IGBP1: variants seen among roughly 807,000 people sequenced by gnomAD.
The protein encoded by IGBP1 is immunoglobulin-binding protein 1.
IGBP1 carries 2 observed loss-of-function variants against 25.9 expected under a neutral mutation model. The observed-to-expected ratio is 0.08, with a 90% confidence interval of 0.03 to 0.24. The LOEUF is 0.24. Ranked by LOEUF, IGBP1 falls within the 10% of genes least tolerant of loss-of-function variation. The pLI is 1.00. For synonymous variants in IGBP1, 96 were observed against 93.4 expected (o/e 1.03, Z -0.16); for missense variants, 187 against 260.4 (o/e 0.72, Z 1.94).
At chrX:70,148,711 A>C in intron 4 of IGBP1, 50 bp from the exon 5 acceptor site, 1 of 842,918 alleles carries the variant, frequency 1.2e-6, no homozygotes, top group Non-Finnish European at 1.8e-6. Flanking sequence ...CCCGTATGGT[A>C]TGTTGGGTAA....
At chrX:70,156,706 G>A (rs933646058) in intron 6 of IGBP1, among the ~76,000 whole-genome samples, 2 of 111,999 alleles carry the variant, frequency 1.8e-5, no homozygotes, top group African/African-American at 6.5e-5. Flanking sequence ...TTGGGAGGCC[G>A]AGGCGGGTGG....
intron 6 of IGBP1, among the ~76,000 whole-genome samples, chrX:70,158,322 G>T (rs2085252489): frequency 9.0e-6 from 1 of 111,482 alleles, no homozygotes; most frequent in Admixed American, 9.6e-5. Flanking sequence ...AATTAAGCAG[G>T]ACAGGAATAG....
intron 6 of IGBP1, among the ~76,000 whole-genome samples, chrX:70,163,408 T>C (rs953315966): frequency 2.7e-5 from 3 of 110,818 alleles, no homozygotes; most frequent in Admixed American, 1.9e-4. Context: ...CAGAGGCTAA[T>C]AAGGGAACCC....
At chrX:70,141,409 A>T (rs748180745) in intron 3 of IGBP1, among the ~76,000 whole-genome samples, 31 of 110,967 alleles carry the variant, frequency 2.8e-4, no homozygotes, top group African/African-American at 9.5e-4. Context: ...AGAGAAAACA[A>T]ATGTTATGTC....
chrX:70,150,354 C>T (rs1423777006), intron 6 of IGBP1, 32 bp downstream of exon 6: 1 of 913,869 alleles, frequency 1.1e-6, no homozygotes, highest in Non-Finnish European at 1.6e-6. Context: ...ATAGTTGTAC[C>T]ACTGGTCTTT....
At chrX:70,165,740 T>C in intron 6 of IGBP1, 93 bp from the exon 7 acceptor site, 1 of 814,457 alleles carries the variant, frequency 1.2e-6, no homozygotes, top group Non-Finnish European at 1.8e-6. Flanking sequence ...TCTCATTGCA[T>C]GTGGTTGTGC....
intron 3 of IGBP1, among the ~76,000 whole-genome samples, chrX:70,135,703 A>C (rs1366445193): frequency 9.0e-6 from 1 of 111,545 alleles, no homozygotes; most frequent in East Asian, 2.8e-4. Flanking sequence ...AGATGTGTAG[A>C]CCAAAAACAG....
intron 3 of IGBP1, among the ~76,000 whole-genome samples, chrX:70,138,884 C>T (rs906525392): frequency 8.9e-6 from 1 of 111,980 alleles, no homozygotes; most frequent in African/African-American, 3.3e-5. Context: ...GTCACTGTTT[C>T]CTTAGGGTAG....
intron 6 of IGBP1, among the ~76,000 whole-genome samples, chrX:70,161,948 G>C (rs1335560062): frequency 9.0e-6 from 1 of 111,712 alleles, no homozygotes; most frequent in Admixed American, 9.5e-5. Flanking sequence ...ATACACACAA[G>C]TCCATTGTGA....
intron 6 of IGBP1, among the ~76,000 whole-genome samples, chrX:70,162,596 G>A (rs2085276440): frequency 1.8e-5 from 2 of 112,609 alleles, no homozygotes; most frequent in Admixed American, 9.4e-5. Context: ...GTGTGGTTAT[G>A]TAGGAACTCA....
intron 6 of IGBP1, among the ~76,000 whole-genome samples, chrX:70,151,953 C>A (rs1333516996): frequency 3.6e-5 from 4 of 111,430 alleles, no homozygotes; most frequent in African/African-American, 1.3e-4. Flanking sequence ...AAAATCAGAC[C>A]TTCAAATTCC....
intron 3 of IGBP1, among the ~76,000 whole-genome samples, chrX:70,137,408 A>T (rs1364840522): frequency 9.0e-6 from 1 of 111,219 alleles, no homozygotes; most frequent in African/African-American, 3.3e-5. Flanking sequence ...AGCTCAGAGG[A>T]GAGGCTTGGT....
chrX:70,141,876 A>G (rs2085132003), intron 3 of IGBP1, among the ~76,000 whole-genome samples: 1 of 110,586 alleles, frequency 9.0e-6, no homozygotes, highest in Admixed American at 9.7e-5. Context: ...TAACAACCCC[A>G]TGAAATAGAC....
chrX:70,155,859 G>T (rs1305451339), intron 6 of IGBP1, among the ~76,000 whole-genome samples: 1 of 111,549 alleles, frequency 9.0e-6, no homozygotes, highest in Non-Finnish European at 1.9e-5. Context: ...TACTGATAAA[G>T]TGGCAATTTA....
intron 3 of IGBP1, among the ~76,000 whole-genome samples, chrX:70,142,521 T>TC (rs1275702264): frequency 9.0e-6 from 1 of 110,532 alleles, no homozygotes; most frequent in Admixed American, 9.7e-5. Context: ...AGTGGAGTGG[T>TC]AAAGACATTA....
intron 3 of IGBP1, 150 bp downstream of exon 3, chrX:70,134,966 G>A (rs1484570476): frequency 3.8e-6 from 2 of 523,546 alleles, no homozygotes; most frequent in Admixed American, 6.9e-5. Context: ...ACTTTCCTGA[G>A]TTTTTCCAAG....
rs1326415414 is a variant in IGBP1 at position 70,133,955 on chromosome X, C to G, written c.8C>G (p.Ala3Gly). Residue 3 changes from alanine to glycine, a missense_variant, in exon 2 of 7, where the codon GCT becomes GGT. Physicochemically the swap from Ala to Gly is moderately conservative, Grantham distance 60. Transcript: ENST00000356413. ...GGTTCCTCTCTCCCCAAGATGGCTG[C>G]TGAGGACGAGTTACAGCTGCCGCGG... MA[A>G]EDELQLPRLP... The G allele has an allele frequency of 1.7e-6, 2 of 1,209,348 alleles. No individual in the cohort carries two copies. Among genetic ancestry groups the G allele is most frequent in the East Asian group, 3.0e-5 (1 of 33,745 alleles).
chrX:70,165,399 C>T (rs920145214), intron 6 of IGBP1, among the ~76,000 whole-genome samples: 3 of 110,942 alleles, frequency 2.7e-5, no homozygotes, highest in Admixed American at 9.6e-5. Context: ...GAGGAGGAAA[C>T]GTCAACTGCA....
At chrX:70,152,691 A>T (rs1359661359) in intron 6 of IGBP1, among the ~76,000 whole-genome samples, 2 of 112,533 alleles carry the variant, frequency 1.8e-5, no homozygotes, top group Non-Finnish European at 3.7e-5. Context: ...CTGGAATGGA[A>T]AAATACAATA....
Sources: gnomAD v4.1 joint callset for allele counts (sites outside exome capture counted in the v4.1 genomes callset) on GRCh38, gnomAD v4.1.1 for gene constraint, MANE v1.5 for transcripts, NCBI Gene and HGNC (gene_info 2026-07-23, HGNC 2026-07-21) for gene names.